EPOR: variants seen among roughly 807,000 people sequenced by gnomAD.
EPOR encodes the protein erythropoietin receptor.
In EPOR, 20 loss-of-function variants were observed where a neutral mutation model predicts 34.3. The ratio of observed to expected loss-of-function variants is 0.58; its 90% CI spans 0.41 to 0.85. The LOEUF (loss-of-function observed/expected upper bound fraction) is 0.85. EPOR is among the 40% of genes least tolerant of loss of function. The probability of loss-of-function intolerance (pLI) is 0.00; values close to 1 mark genes in which losing one functional copy is unlikely to be tolerated. For synonymous variants in EPOR, 312 were observed against 299.0 expected (o/e 1.04, Z -0.45); for missense variants, 601 against 672.7 (o/e 0.89, Z 1.18).
rs776698147 is a variant in EPOR at position 11,378,531 on chromosome 19, G to A, written c.980C>T (p.Pro327Leu). The change falls in exon 8 of 8, where the codon CCA (proline) becomes CTA (leucine). Residue 327 changes from proline (P) to leucine (L), a missense_variant. Pro to Leu is a moderately conservative substitution (Grantham distance 98). Transcript: ENST00000222139. This position sits in a 1 kb window ranked among gnomAD's most constrained non-coding sequence, Gnocchi z 5.3. ...WSPCTPFTED[P>L]PASLEVLSER... is the part of the protein sequence containing the mutation. ...TGAGAGGACTTCCAGGGAAGCAGGT[G>A]GGTCCTCCGTGAAGGGGGTGCAGGG... The A allele has an allele frequency of 1.1e-5, 18 of 1,614,062 alleles. No homozygotes were observed. Among genetic ancestry groups the A allele is most frequent in the Non-Finnish European group, 1.5e-5 (18 of 1,180,034 alleles).
chr19:11,383,372 T>A lies in EPOR; in HGVS notation c.116-140A>T. On this transcript the variant is annotated intron_variant, in intron 1 of 7. Coordinates refer to ENST00000222139, the MANE Select transcript of EPOR (RefSeq NM_000121.4). This position sits in a 1 kb window ranked among gnomAD's most constrained non-coding sequence, Gnocchi z 4.9. The stretch of plus-strand genomic sequence containing the variant: ...CTGCCATCTTCCCAAGCGGGTCCCT[T>A]GGAGGGGTCCGCAGAGGTGGTGCCC... The A allele has an allele frequency of 1.2e-6, 1 of 849,850 alleles. No individual in the cohort carries two copies. Among genetic ancestry groups the A allele is most frequent in the Non-Finnish European group, 1.8e-6 (1 of 567,696 alleles). 52.6% of individuals were successfully genotyped at this position (849,850 alleles called of 1,614,324 possible).
rs1171210941 is a variant in EPOR at position 11,377,223 on chromosome 19, TTTA to T, written c.*758_*760del. The T allele has an allele frequency of 2.2e-6, 1 of 453,560 alleles. No homozygotes were observed. The highest frequency in any genetic ancestry group is 4.4e-6 in the Non-Finnish European group (1 of 226,398). 28.1% of individuals were successfully genotyped at this position (453,560 alleles called of 1,614,324 possible). On this transcript the variant is annotated 3_prime_UTR_variant, in exon 8 of 8. Transcript: ENST00000222139. ...GAACATGGCCTGATTCAGAATTACTTTTATTATTATTAGTGGCAGAGACTAGCT... is the reference window on the plus strand; with the variant it reads ...GAACATGGCCTGATTCAGAATTACTTTTATTATTAGTGGCAGAGACTAGCT...
At chr19:11,379,099 G>C (rs922211055) in intron 6 of EPOR, among the ~76,000 whole-genome samples, 5 of 152,098 alleles carry the variant, frequency 3.3e-5, no homozygotes, top group Admixed American at 6.5e-5. Context: ...GCTGAGGTGG[G>C]AGGATCATTT....
Position 11,377,826 on chromosome 19 carries a change from T to A in EPOR, c.*158A>T. 6.0e-6 allele frequency: 5 copies of A among 831,980 alleles called. No homozygotes were observed. The highest frequency in any genetic ancestry group is 1.0e-5 in the Non-Finnish European group (5 of 479,776). 51.5% of individuals were successfully genotyped at this position (831,980 alleles called of 1,614,324 possible). ...AAAAACTATACATATTTAAAAATAC[T>A]GCAAGGTTGTGGTTTCCTGAGCAGG... On this transcript the variant is annotated 3_prime_UTR_variant, in exon 8 of 8. Coordinates refer to ENST00000222139, the MANE Select transcript of EPOR (RefSeq NM_000121.4).
chr19:11,379,540 A>C lies in EPOR; in HGVS notation c.828-762T>G, dbSNP rs1029118424. ...CAGTGAGCCAAGACTGCTGCACTGC[A>C]CTACAGCTTGGGCGACAAGAGTGAC... On this transcript the variant is annotated intron_variant, in intron 6 of 7. Coordinates refer to ENST00000222139, the MANE Select transcript of EPOR (RefSeq NM_000121.4). Among the ~76,000 whole-genome samples the C allele has an allele frequency of 1.1e-4, 16 of 151,760 alleles. No homozygotes were observed. In the East Asian group the frequency reaches 2.9e-3, roughly 28 times the overall value.
At position 11,377,949 on chromosome 19, in the gene EPOR, C is replaced by T. The variant is rs200997864; in HGVS notation, c.*35G>A. 1,466 of 1,613,106 alleles carry T rather than the reference C, an allele frequency of 9.1e-4. 21 individuals carry two copies. The South Asian group carries it at 9.5e-3, about 10-fold the overall frequency. ...TTGAGTCTGCACTGGTTCTCTGAGTCATATTGGATCCCTGATCATCTGCAG... is the reference window on the plus strand; with the variant it reads ...TTGAGTCTGCACTGGTTCTCTGAGTTATATTGGATCCCTGATCATCTGCAG... On this transcript the variant is annotated 3_prime_UTR_variant, in exon 8 of 8. Transcript: ENST00000222139.
rs1172166436 is a variant in EPOR, at chr19:11,381,702, C to G, written c.575G>C (p.Ser192Thr). 1 of 1,607,476 alleles carries G rather than the reference C, an allele frequency of 6.2e-7. No individual in the cohort carries two copies. The highest frequency in any genetic ancestry group is 8.5e-7 in the Non-Finnish European group (1 of 1,177,606). ...VDVSAGNGAG[S>T]VQRVEILEGR... ...AGGGGCTGGCCTCACCCTCTGTACG[C>G]TCCCTGCGCCGTTGCCGGCCGAGAC... The change falls in exon 4 of 8, where the codon AGC becomes ACC. Residue 192 changes from serine (S) to threonine (T), a missense_variant. Coordinates refer to ENST00000222139, the MANE Select transcript of EPOR (RefSeq NM_000121.4). The surrounding 1 kb of genome is among the most constrained non-coding windows in gnomAD (Gnocchi z 5.3).
In EPOR at chr19:11,377,938, G is replaced by T; in HGVS notation, c.*46C>A. ...TTCCATAAGTCTTGAGTCTGCACTGGTTCTCTGAGTCATATTGGATCCCTG... is the reference window on the plus strand; with the variant it reads ...TTCCATAAGTCTTGAGTCTGCACTGTTTCTCTGAGTCATATTGGATCCCTG... On this transcript the variant is annotated 3_prime_UTR_variant, in exon 8 of 8. Transcript: ENST00000222139. The T allele has an allele frequency of 6.2e-7, 1 of 1,612,104 alleles. No homozygotes were observed. Among genetic ancestry groups the T allele is most frequent in the Non-Finnish European group, 8.5e-7 (1 of 1,179,390 alleles).
Position 11,378,616 on chromosome 19 carries a change from T to C in EPOR, c.916-21A>G. On this transcript the variant is annotated intron_variant, in intron 7 of 7. Transcript: ENST00000222139. The surrounding 1 kb of genome is among the most constrained non-coding windows in gnomAD (Gnocchi z 5.3). ...CACAGCTGAAGAAATAGCACCAACC[T>C]GCTCAGAGAGGCCTGCAGTTTGGCT... The C allele has an allele frequency of 6.2e-7, 1 of 1,614,146 alleles. No individual in the cohort carries two copies. Among genetic ancestry groups the C allele is most frequent in the East Asian group, 2.2e-5 (1 of 44,876 alleles).
Position 11,378,181 on chromosome 19 carries a change from CAG to C in EPOR, c.1328_1329del (p.Pro443ArgfsTer18). ...AGGTGGGGTGGGGTAGGGGGCAGCT[CAG>C]GGCACAGTGTCCATGGACGCAAGAG... is the stretch of plus-strand genomic sequence containing the variant. Reference protein sequence around the residue: ...SQLLRPWTLCPELPPTPPHLK... With the variant: ...SQLLRPWTLCXELPPTPPHLK... On this transcript the variant is annotated frameshift_variant, in exon 8 of 8. Transcript: ENST00000222139. LOFTEE classifies it high-confidence loss of function. The surrounding 1 kb of genome is among the most constrained non-coding windows in gnomAD (Gnocchi z 5.3). The C allele has an allele frequency of 4.3e-6, 7 of 1,614,090 alleles. No homozygotes were observed. The highest frequency in any genetic ancestry group is 5.9e-6 in the Non-Finnish European group (7 of 1,180,022).
Position 11,381,425 on chromosome 19 carries a change from C to A in EPOR, c.586-216G>T, listed in dbSNP as rs993813532. 4.4e-6 allele frequency: 3 copies of A among 680,060 alleles called. No homozygotes were observed. The highest frequency in any genetic ancestry group is 7.4e-6 in the Non-Finnish European group (3 of 403,434). 42.1% of individuals were successfully genotyped at this position (680,060 alleles called of 1,614,324 possible). A position where few individuals can be genotyped will look rare whatever the true frequency, so the allele number is the denominator to read the frequency against. ...GGGCGGGACCCGGGCAATTTAATAT[C>A]TGGGCTAGCACTCGTAGAGGGACCC... On this transcript the variant is annotated intron_variant, in intron 4 of 7. Transcript: ENST00000222139. This position sits in a 1 kb window ranked among gnomAD's most constrained non-coding sequence, Gnocchi z 5.3.
intron 6 of EPOR, among the ~76,000 whole-genome samples, chr19:11,380,533 A>G (rs953298270): frequency 6.6e-6 from 1 of 152,222 alleles, no homozygotes; most frequent in Non-Finnish European, 1.5e-5. Context: ...ATAGTGTCTG[A>G]GAAGCTTGAC....
rs1968297924 is a variant in EPOR, at chr19:11,377,638, A to G, written c.*346T>C. On this transcript the variant is annotated 3_prime_UTR_variant, in exon 8 of 8. Coordinates refer to ENST00000222139, the MANE Select transcript of EPOR (RefSeq NM_000121.4). The stretch of plus-strand genomic sequence containing the variant: ...TAACATACTATTTTGTTATGTTATG[A>G]GTAGCATTCAGATTGCAGATCCAGC... 2.0e-6 allele frequency: 1 copy of G among 493,816 alleles called. No homozygotes were observed. The highest frequency in any genetic ancestry group is 3.9e-6 in the Non-Finnish European group (1 of 254,210). 30.6% of individuals were successfully genotyped at this position (493,816 alleles called of 1,614,324 possible).
In EPOR at chr19:11,381,884, C is replaced by G; in HGVS notation, c.428-35G>C. Reference sequence around the variant, plus strand: ...TGGGGGTTGGTCAGGTGGGCGAGGACTGAGACCCTCTCCTCCGACCACTCC... The same window carrying G: ...TGGGGGTTGGTCAGGTGGGCGAGGAGTGAGACCCTCTCCTCCGACCACTCC... On this transcript the variant is annotated intron_variant, in intron 3 of 7. Coordinates refer to ENST00000222139, the MANE Select transcript of EPOR (RefSeq NM_000121.4). This position sits in a 1 kb window ranked among gnomAD's most constrained non-coding sequence, Gnocchi z 5.3. 1.2e-6 allele frequency: 2 copies of G among 1,614,226 alleles called. No individual in the cohort carries two copies. The highest frequency in any genetic ancestry group is 1.7e-6 in the Non-Finnish European group (2 of 1,180,014).
chr19:11,383,130 C>A lies in EPOR; in HGVS notation c.218G>T (p.Gly73Val). ...GTAGGAGAAGCTGTAGTTGCCCGGG[C>A]CCACCCCAGCGCTCGCCGCTTCCTC... ...FWEEAASAGV[G>V]PGNYSFSYQL... The change falls in exon 2 of 8, where the codon GGC (glycine) becomes GTC (valine). Residue 73 changes from glycine to valine, a missense_variant. Transcript: ENST00000222139. The surrounding 1 kb of genome is among the most constrained non-coding windows in gnomAD (Gnocchi z 4.9). The A allele has an allele frequency of 1.2e-6, 2 of 1,613,642 alleles. No homozygotes were observed. The highest frequency in any genetic ancestry group is 8.5e-7 in the Non-Finnish European group (1 of 1,179,942).
intron 2 of EPOR, 70 bp from the exon 3 acceptor site, chr19:11,382,175 G>A (rs1968372187): frequency 3.8e-6 from 5 of 1,309,304 alleles, no homozygotes; most frequent in Non-Finnish European, 2.2e-6. Context: ...GCCTGTGGGG[G>A]GCAGTGTGTA....
chr19:11,381,140 C>T lies in EPOR; in HGVS notation c.655G>A (p.Ala219Thr), dbSNP rs1312573655. The T allele has an allele frequency of 6.4e-7, 1 of 1,565,452 alleles. No individual in the cohort carries two copies. The highest frequency in any genetic ancestry group is 8.7e-7 in the Non-Finnish European group (1 of 1,155,128). Reference protein sequence around the residue: ...NLRGRTRYTFAVRARMAEPSF... With the variant: ...NLRGRTRYTFTVRARMAEPSF... ...GGCTCAGCCATACGCGCGCGGACGG[C>T]GAAGGTGTAGCGCGTCCGGCCCCGC... is the stretch of plus-strand genomic sequence containing the variant. The change falls in exon 5 of 8, where the codon GCC becomes ACC. Residue 219 changes from alanine (A) to threonine (T), a missense_variant. Physicochemically the swap from Ala to Thr is moderately conservative, Grantham distance 58 (BLOSUM62 0). Transcript: ENST00000222139. The surrounding 1 kb of genome is among the most constrained non-coding windows in gnomAD (Gnocchi z 5.3).
chr19:11,379,432 T>G (rs1968326628), intron 6 of EPOR, among the ~76,000 whole-genome samples: 1 of 151,962 alleles, frequency 6.6e-6, no homozygotes, highest in Non-Finnish European at 1.5e-5. Context: ...AACTACAAAA[T>G]TAGCCGGGCA....
Position 11,383,080 on chromosome 19 carries a change from C to T in EPOR, c.251+17G>A, listed in dbSNP as rs1420538742. 10 of 1,613,364 alleles carry T rather than the reference C, an allele frequency of 6.2e-6. No homozygotes were observed. In the South Asian group the frequency reaches 8.8e-5, roughly 14 times the overall value. ...CCCTCCCTCCGCCCTTGGAGGCACC[C>T]GCCGGATCGGACTCACTCGAGCTGG... On this transcript the variant is annotated intron_variant, in intron 2 of 7. Transcript: ENST00000222139. This position sits in a 1 kb window ranked among gnomAD's most constrained non-coding sequence, Gnocchi z 4.9.
Sources: allele counts gnomAD v4.1 joint callset (sites outside exome capture counted in the v4.1 genomes callset), GRCh38; gene constraint gnomAD v4.1.1; non-coding constraint Gnocchi (gnomAD v3.1); transcripts MANE v1.5; gene names NCBI Gene and HGNC (gene_info 2026-07-23, HGNC 2026-07-21).